KSR2: variants seen among roughly 807,000 people sequenced by gnomAD.
KSR2 encodes kinase suppressor of ras 2.
A neutral mutation model predicts 107.8 loss-of-function variants in KSR2; 25 were observed. That is an observed-to-expected ratio of 0.23 (90% CI 0.17 to 0.32). The LOEUF (loss-of-function observed/expected upper bound fraction) is 0.32. Among genes scored for constraint, KSR2 ranks in the 10% least tolerant of loss-of-function variants. The pLI is 1.00. For missense variants in KSR2, 887 were observed against 1,268.9 expected (o/e 0.70, Z 4.57); for synonymous variants, 480 against 507.0 (o/e 0.95, Z 0.71).
At chr12:117,884,333 G>T (rs1894112248) in intron 1 of KSR2, among the ~76,000 whole-genome samples, 1 of 152,160 alleles carries the variant, frequency 6.6e-6, no homozygotes, top group South Asian at 2.1e-4. Context: ...GAATGAGAAT[G>T]AGACCTTGCC....
At chr12:117,677,260 G>C (rs921286362) in intron 4 of KSR2, 1 of 152,102 alleles carries the variant, frequency 6.6e-6, no homozygotes, top group African/African-American at 2.4e-5. Context: ...CTAACCCCTA[G>C]GACTTCAGAA....
Position 117,968,956 on chromosome 12 carries a change from T to G in KSR2, c.-701A>C. ...GGGTGACGGTTGCTGCAATCGCTCC[T>G]GCCTCGCTCCACACCGACATCTTGC... On this transcript the variant is annotated 5_prime_UTR_variant, in exon 1 of 20. Transcript: ENST00000339824. The G allele has an allele frequency of 5.2e-6, 1 of 191,918 alleles. No individual in the cohort carries two copies. The highest frequency in any genetic ancestry group is 1.1e-5 in the Non-Finnish European group (1 of 91,850). 11.9% of individuals were successfully genotyped at this position (191,918 alleles called of 1,614,324 possible). A position where few individuals can be genotyped will look rare whatever the true frequency, so the allele number is the denominator to read the frequency against.
intron 1 of KSR2, among the ~76,000 whole-genome samples, chr12:117,957,029 T>C (rs1896537297): frequency 6.6e-6 from 1 of 152,230 alleles, no homozygotes; most frequent in South Asian, 2.1e-4. Context: ...AGGAAAGCAT[T>C]TTAGAGACAG....
chr12:117,822,253 A>T (rs928861707), intron 3 of KSR2, among the ~76,000 whole-genome samples: 2 of 152,176 alleles, frequency 1.3e-5, no homozygotes, highest in East Asian at 1.9e-4. Flanking sequence ...TGGAGTAGCC[A>T]TTCTTTTATT....
chr12:117,948,348 G>A (rs1217950184), intron 1 of KSR2, among the ~76,000 whole-genome samples: 1 of 152,040 alleles, frequency 6.6e-6, no homozygotes, highest in Non-Finnish European at 1.5e-5. Flanking sequence ...AAATTAGCTG[G>A]GCGTGTTGGC....
At chr12:117,850,120 T>G (rs1189231475) in intron 3 of KSR2, among the ~76,000 whole-genome samples, 4 of 152,194 alleles carry the variant, frequency 2.6e-5, no homozygotes, top group African/African-American at 4.8e-5. Flanking sequence ...AGAAGGGAAT[T>G]CCAAACATGA....
At chr12:117,613,683 C>G (rs1168515805) in intron 5 of KSR2, among the ~76,000 whole-genome samples, 1 of 152,202 alleles carries the variant, frequency 6.6e-6, no homozygotes, top group Non-Finnish European at 1.5e-5. Context: ...TTTTCTCTCC[C>G]TTCCTCTCTT....
intron 3 of KSR2, among the ~76,000 whole-genome samples, chr12:117,852,288 C>T (rs1372819601): frequency 2.0e-5 from 3 of 150,176 alleles, no homozygotes; most frequent in African/African-American, 4.9e-5. Flanking sequence ...ACTAGCTGGG[C>T]GTGGTGGCAT....
intron 4 of KSR2, among the ~76,000 whole-genome samples, chr12:117,683,938 C>T (rs1019761298): frequency 3.9e-5 from 6 of 152,220 alleles, no homozygotes; most frequent in African/African-American, 1.4e-4. Flanking sequence ...CACGTATGAC[C>T]ATGTTCCGAT....
chr12:117,576,123 A>C (rs1002946464), intron 7 of KSR2, among the ~76,000 whole-genome samples: 9 of 152,196 alleles, frequency 5.9e-5, no homozygotes, highest in African/African-American at 2.2e-4. Flanking sequence ...AGCAAAGGCT[A>C]CTTCTGAGTT....
chr12:117,492,419 G>GGTGCCTGGGCCAGGCATGAATA (rs148145788), intron 14 of KSR2, among the ~76,000 whole-genome samples: 15,818 of 152,160 alleles, frequency 0.1, 1,456 homozygotes, highest in African/African-American at 0.25. Flanking sequence ...ACCAAGCCCA[G>GGTGCCTGGGCCAGGCATGAATA]GTGGGGAGCA....
At chr12:117,551,208 TCTC>T (rs1479623835) in intron 9 of KSR2, among the ~76,000 whole-genome samples, 1 of 151,880 alleles carries the variant, frequency 6.6e-6, no homozygotes, top group African/African-American at 2.4e-5. Context: ...CCTCCTCCAT[TCTC>T]CTCATCCACC....
intron 4 of KSR2, among the ~76,000 whole-genome samples, chr12:117,695,245 A>G (rs1384668081): frequency 2.0e-5 from 3 of 152,136 alleles, no homozygotes; most frequent in African/African-American, 7.2e-5. Flanking sequence ...GAGAATGAGA[A>G]ATTTAATGGG....
chr12:117,675,215 A>C (rs1885068469), intron 4 of KSR2, among the ~76,000 whole-genome samples: 1 of 152,160 alleles, frequency 6.6e-6, no homozygotes, highest in Admixed American at 6.5e-5. Flanking sequence ...CATGCCCATC[A>C]CACAAAAAGG....
intron 4 of KSR2, among the ~76,000 whole-genome samples, chr12:117,680,893 G>T (rs140034514): frequency 6.6e-6 from 1 of 152,312 alleles, no homozygotes; most frequent in Admixed American, 6.5e-5. Context: ...GAAGGAGGCA[G>T]ACAAGAGCTA....
At chr12:117,690,258 AGTT>A (rs1367080949) in intron 4 of KSR2, among the ~76,000 whole-genome samples, 3 of 152,152 alleles carry the variant, frequency 2.0e-5, no homozygotes, top group African/African-American at 7.2e-5. Context: ...CTCAAGAAAT[AGTT>A]GTTGAAAGAA....
intron 3 of KSR2, among the ~76,000 whole-genome samples, chr12:117,832,945 G>A (rs2045477787): frequency 6.6e-6 from 1 of 152,220 alleles, no homozygotes; most frequent in African/African-American, 2.4e-5. Flanking sequence ...CCAGTGGCAT[G>A]ACCCTGGCCA....
At chr12:117,716,160 T>C (rs1197608992) in intron 4 of KSR2, among the ~76,000 whole-genome samples, 2 of 152,262 alleles carry the variant, frequency 1.3e-5, no homozygotes. Flanking sequence ...TGTCACCCTC[T>C]TCCATTAGCA....
At chr12:117,484,367 T>A in intron 16 of KSR2, 49 bp downstream of exon 16, 1 of 1,606,426 alleles carries the variant, frequency 6.2e-7, no homozygotes, top group Non-Finnish European at 8.5e-7. Context: ...TCCCACCTCC[T>A]GACCATCATC....
Sources: allele counts gnomAD v4.1 joint callset (sites outside exome capture counted in the v4.1 genomes callset), GRCh38; gene constraint gnomAD v4.1.1; transcripts MANE v1.5; gene names NCBI Gene and HGNC (gene_info 2026-07-23, HGNC 2026-07-21).